Variants in PHF3 observed in about 807,000 individuals in gnomAD.
PHF3 encodes PHD finger protein 3.
A neutral mutation model predicts 178.4 loss-of-function variants in PHF3; 41 were observed. The observed-to-expected ratio is 0.23, with a 90% CI of 0.18 to 0.30. PHF3 has a LOEUF of 0.30. PHF3 is among the 10% of genes least tolerant of loss of function. The pLI, the probability that PHF3 is intolerant of heterozygous loss-of-function variation, is 1.00. For missense variants in PHF3, 2,346 were observed against 2,398.1 expected (o/e 0.98, Z 0.45); for synonymous variants, 842 against 800.5 (o/e 1.05, Z -0.88).
At chr6:63,677,032 A>C (rs565975853) in intron 2 of PHF3, among the ~76,000 whole-genome samples, 3 of 152,170 alleles carry the variant, frequency 2.0e-5, no homozygotes, top group African/African-American at 7.2e-5. Context: ...TGGAGGTTCC[A>C]TTTACTCTGA....
intron 1 of PHF3, among the ~76,000 whole-genome samples, chr6:63,641,023 G>A (rs1484739450): frequency 3.9e-5 from 6 of 152,228 alleles, no homozygotes; most frequent in Non-Finnish European, 2.9e-5. Context: ...GTAGAACAAT[G>A]CCTGTCTTGA....
Position 63,702,503 on chromosome 6 carries a change from G to C in PHF3, c.3100-5G>C. 1 of 1,587,964 alleles carries C rather than the reference G, an allele frequency of 6.3e-7. No individual in the cohort carries two copies. The highest frequency in any genetic ancestry group is 1.2e-5 in the South Asian group (1 of 86,250). On this transcript the variant is annotated splice_polypyrimidine_tract_variant and splice_region_variant and intron_variant, in intron 9 of 15. Coordinates refer to ENST00000262043, the MANE Select transcript of PHF3 (RefSeq NM_001370348.2). Reference sequence around the variant, plus strand: ...TAATATTTTTAAAAAAGTATTTTCTGTTAGACCATAGAAATGATTGAGAAA... The same window carrying C: ...TAATATTTTTAAAAAAGTATTTTCTCTTAGACCATAGAAATGATTGAGAAA...
chr6:63,691,829 A>G lies in PHF3; in HGVS notation c.2282A>G (p.Asp761Gly). The change falls in exon 5 of 16, where the codon GAC becomes GGC. Residue 761 changes from aspartate (D) to glycine (G), a missense_variant. By Grantham distance (94) the Asp-to-Gly change is moderately conservative. Around this residue, in one of 8 missense-constraint regions of PHF3, gnomAD observed 72 missense variants for 110.5 expected, o/e 0.65. Coordinates refer to ENST00000262043, the MANE Select transcript of PHF3 (RefSeq NM_001370348.2). ...LSQAQQMGEE[D>G]KEYVCVKCCA... ...CAAGCACAGCAGATGGGCGAGGAAG[A>G]CAAAGAATATGTCTGTGTAAAATGT... 1 of 1,613,862 alleles carries G rather than the reference A, an allele frequency of 6.2e-7. No homozygotes were observed. Among genetic ancestry groups the G allele is most frequent in the Non-Finnish European group, 8.5e-7 (1 of 1,179,880 alleles).
In PHF3 at chr6:63,680,147, G is replaced by A. The variant is rs775135145; in HGVS notation, c.392G>A (p.Arg131His). 2.5e-6 allele frequency: 4 copies of A among 1,607,228 alleles called. No homozygotes were observed. Among genetic ancestry groups the A allele is most frequent in the Non-Finnish European group, 3.4e-6 (4 of 1,177,076 alleles). ...NSVRSPRKSPRLMAQEQVRSL... is the reference protein window; with the variant it reads ...NSVRSPRKSPHLMAQEQVRSL... ...GTGAGATCTCCAAGAAAATCACCTC[G>A]TTTAATGGCACAAGGTAATCCTTTG... The change falls in exon 3 of 16, where the codon CGT (arginine) becomes CAT (histidine). Residue 131 changes from arginine to histidine, a missense_variant. Arg to His is a conservative substitution (Grantham distance 29, BLOSUM62 0). Coordinates refer to ENST00000262043, the MANE Select transcript of PHF3 (RefSeq NM_001370348.2).
intron 2 of PHF3, among the ~76,000 whole-genome samples, chr6:63,678,417 T>C (rs1389578055): frequency 6.6e-6 from 1 of 152,200 alleles, no homozygotes; most frequent in Non-Finnish European, 1.5e-5. Flanking sequence ...TCCAAACTTT[T>C]AGCGCATAGC....
In PHF3 at chr6:63,646,762, A is replaced by C. The variant is rs1271710802; in HGVS notation, c.211A>C (p.Asn71His). The change falls in exon 2 of 16, where the codon AAT becomes CAT. Residue 71 changes from asparagine (N) to histidine (H), a missense_variant. Physicochemically the swap from Asn to His is moderately conservative, Grantham distance 68. Coordinates refer to ENST00000262043, the MANE Select transcript of PHF3 (RefSeq NM_001370348.2). ...NQFCLPVLDSNDPNFQMPCST... is the reference protein window; with the variant it reads ...NQFCLPVLDSHDPNFQMPCST... ...GTTCTGTTTGCCTGTTTTGGATAGC[A>C]ATGATCCCAATTTCCAGATGCCTTG... The C allele has an allele frequency of 6.4e-7, 1 of 1,567,136 alleles. No individual in the cohort carries two copies. Among genetic ancestry groups the C allele is most frequent in the Non-Finnish European group, 8.6e-7 (1 of 1,156,630 alleles).
chr6:63,678,078 C>T (rs1387299090), intron 2 of PHF3, among the ~76,000 whole-genome samples: 3 of 151,980 alleles, frequency 2.0e-5, no homozygotes, highest in Admixed American at 6.6e-5. Context: ...CAAAAATTAG[C>T]TGGGCATGAT....
chr6:63,687,541 C>T (rs1766767445), intron 4 of PHF3, among the ~76,000 whole-genome samples: 1 of 152,110 alleles, frequency 6.6e-6, no homozygotes, highest in Non-Finnish European at 1.5e-5. Context: ...TTTCTCTCTG[C>T]CAGAATCTTT....
At chr6:63,654,226 G>C (rs2149548210) in intron 2 of PHF3, among the ~76,000 whole-genome samples, 1 of 152,320 alleles carries the variant, frequency 6.6e-6, no homozygotes. Flanking sequence ...GAATTCTGCA[G>C]TGAAGACTGG....
intron 2 of PHF3, among the ~76,000 whole-genome samples, chr6:63,673,295 T>A (rs1766003200): frequency 6.6e-6 from 1 of 152,134 alleles, no homozygotes; most frequent in African/African-American, 2.4e-5. Context: ...TATTTTTTGT[T>A]TTTAAATAAA....
rs542821758 is a variant in PHF3, at chr6:63,645,477, C to T, written c.-25-1050C>T. Among the ~76,000 whole-genome samples, 3 of 152,192 alleles carry T rather than the reference C, an allele frequency of 2.0e-5. No homozygotes were observed. In the South Asian group the frequency reaches 6.2e-4, roughly 32 times the overall value. ...TGAATGTTAGCATGTATCTGAAATT[C>T]TTCCCTCATTTTTATAGGGGGAGAG... On this transcript the variant is annotated intron_variant, in intron 1 of 15. Coordinates refer to ENST00000262043, the MANE Select transcript of PHF3 (RefSeq NM_001370348.2).
intron 14 of PHF3, among the ~76,000 whole-genome samples, chr6:63,709,544 A>G (rs1336215224): frequency 6.6e-6 from 1 of 152,150 alleles, no homozygotes; most frequent in Non-Finnish European, 1.5e-5. Flanking sequence ...ATTACAGACA[A>G]GTGTTTGAGT....
Position 63,723,891 on chromosome 6 carries a change from G to A in PHF3, c.*10183G>A, listed in dbSNP as rs1046976189. On this transcript the variant is annotated 3_prime_UTR_variant, in exon 16 of 16. Transcript: ENST00000262043. Reference sequence around the variant, plus strand: ...AGCTGGAGTGCAATGGTGCAATCTCGGCTCACTGCAACCTCCATCTCCCGG... The same window carrying A: ...AGCTGGAGTGCAATGGTGCAATCTCAGCTCACTGCAACCTCCATCTCCCGG... Among the ~76,000 whole-genome samples the A allele has an allele frequency of 6.6e-6, 1 of 150,870 alleles. No homozygotes were observed. The highest frequency in any genetic ancestry group is 1.5e-5 in the Non-Finnish European group (1 of 67,774).
rs114475963 is a variant in PHF3 at position 63,659,101 on chromosome 6, G to A, written c.244+12306G>A. 5.5e-3 allele frequency among the ~76,000 whole-genome samples: 844 copies of A among 152,178 alleles called. 6 individuals carry two copies. Among genetic ancestry groups the A allele is most frequent in the African/African-American group, 0.02 (815 of 41,518 alleles). Reference sequence around the variant, plus strand: ...TTAGACTTGTGTTTGACCAGATATTGGGGAATCATGGCCTAGCCAAGTTGA... The same window carrying A: ...TTAGACTTGTGTTTGACCAGATATTAGGGAATCATGGCCTAGCCAAGTTGA... On this transcript the variant is annotated intron_variant, in intron 2 of 15. Coordinates refer to ENST00000262043, the MANE Select transcript of PHF3 (RefSeq NM_001370348.2).
In PHF3 at chr6:63,685,380, A is replaced by G; in HGVS notation, c.1658A>G (p.Asp553Gly). 1 of 1,614,072 alleles carries G rather than the reference A, an allele frequency of 6.2e-7. No homozygotes were observed. The change falls in exon 4 of 16, where the codon GAT becomes GGT. Residue 553 changes from aspartate (D) to glycine (G), a missense_variant. Physicochemically the swap from Asp to Gly is moderately conservative, Grantham distance 94. Around this residue, in one of 8 missense-constraint regions of PHF3, gnomAD observed 843 missense variants for 795.2 expected, o/e 1.06. Coordinates refer to ENST00000262043, the MANE Select transcript of PHF3 (RefSeq NM_001370348.2). ...RPVKVRKKQIDKEPKIQSCNS... is the reference protein window; with the variant it reads ...RPVKVRKKQIGKEPKIQSCNS... ...GTCAAAGTCAGAAAAAAACAAATTG[A>G]TAAGGAGCCAAAGATTCAGAGTTGC... is the stretch of plus-strand genomic sequence containing the variant.
rs1768258269 is a variant in PHF3, at chr6:63,718,524, C to A, written c.*4816C>A. Among the ~76,000 whole-genome samples, 1 of 151,948 alleles carries A rather than the reference C, an allele frequency of 6.6e-6. No individual in the cohort carries two copies. Among genetic ancestry groups the A allele is most frequent in the South Asian group, 2.1e-4 (1 of 4,826 alleles). On this transcript the variant is annotated 3_prime_UTR_variant, in exon 16 of 16. Transcript: ENST00000262043. ...CAAACTAATTTAGTAAGAAGAGTGT[C>A]ATTGTCTTGATTTTTGCATATTTCC...
At chr6:63,660,572 A>T (rs2149555224) in intron 2 of PHF3, among the ~76,000 whole-genome samples, 1 of 152,284 alleles carries the variant, frequency 6.6e-6, no homozygotes, top group Admixed American at 6.5e-5. Flanking sequence ...AAAGTTTAGT[A>T]TAGAAATAAT....
chr6:63,724,262 A>G lies in PHF3; in HGVS notation c.*10554A>G, dbSNP rs1768526777. Among the ~76,000 whole-genome samples the G allele has an allele frequency of 6.6e-6, 1 of 152,128 alleles. No homozygotes were observed. Among genetic ancestry groups the G allele is most frequent in the Non-Finnish European group, 1.5e-5 (1 of 68,014 alleles). On this transcript the variant is annotated 3_prime_UTR_variant, in exon 16 of 16. Transcript: ENST00000262043. Reference sequence around the variant, plus strand: ...CCACCTTTGTTCTGCTATTGTTTCTACCTCATCATCTGCTATCCCACCGTG... The same window carrying G: ...CCACCTTTGTTCTGCTATTGTTTCTGCCTCATCATCTGCTATCCCACCGTG...
rs1448576975 is a variant in PHF3, at chr6:63,723,306, T to A, written c.*9598T>A. On this transcript the variant is annotated 3_prime_UTR_variant, in exon 16 of 16. Coordinates refer to ENST00000262043, the MANE Select transcript of PHF3 (RefSeq NM_001370348.2). ...CTTTCAGATTAGGAAAGAAAAAATA[T>A]ACATTGGGTTATACCACCAAAAACT... Among the ~76,000 whole-genome samples the A allele has an allele frequency of 6.6e-6, 1 of 152,118 alleles. No homozygotes were observed. The highest frequency in any genetic ancestry group is 1.5e-5 in the Non-Finnish European group (1 of 68,018).
Sources: allele counts gnomAD v4.1 joint callset (sites outside exome capture counted in the v4.1 genomes callset), GRCh38; gene constraint gnomAD v4.1.1; regional missense constraint gnomAD v4.1.1; transcripts MANE v1.5; gene names NCBI Gene and HGNC (gene_info 2026-07-23, HGNC 2026-07-21).